MICAL3: variants seen among roughly 807,000 people sequenced by gnomAD.
The protein encoded by MICAL3 is [F-actin]-monooxygenase MICAL3.
A neutral mutation model predicts 207.4 loss-of-function variants in MICAL3; 62 were observed. That is an observed-to-expected ratio of 0.30 (90% CI 0.24 to 0.37). MICAL3 has a LOEUF of 0.37. Among genes scored for constraint, MICAL3 ranks in the 10% least tolerant of loss-of-function variants. MICAL3 has a pLI of 1.00. For missense variants in MICAL3, 2,368 were observed against 2,635.6 expected (o/e 0.90, Z 2.22); for synonymous variants, 1,077 against 1,069.3 (o/e 1.01, Z -0.14).
At chr22:17,846,605 G>T (rs1486490731) in intron 19 of MICAL3, among the ~76,000 whole-genome samples, 2 of 152,208 alleles carry the variant, frequency 1.3e-5, no homozygotes, top group African/African-American at 4.8e-5. Flanking sequence ...GAGAGCAGGA[G>T]TGCAGATGTA....
At chr22:17,851,552 C>T (rs1433273148) in intron 19 of MICAL3, among the ~76,000 whole-genome samples, 2 of 152,166 alleles carry the variant, frequency 1.3e-5, no homozygotes, top group African/African-American at 4.8e-5. Context: ...AGTTCTAATC[C>T]TCTGTCTGAG....
At chr22:17,910,189 T>G (rs1932021891) in intron 1 of MICAL3, among the ~76,000 whole-genome samples, 1 of 152,098 alleles carries the variant, frequency 6.6e-6, no homozygotes, top group African/African-American at 2.4e-5. Flanking sequence ...AACCCATAAC[T>G]CCAAAATCCT....
At chr22:17,890,775 A>G (rs1248960729) in intron 12 of MICAL3, among the ~76,000 whole-genome samples, 2 of 152,218 alleles carry the variant, frequency 1.3e-5, no homozygotes, top group African/African-American at 4.8e-5. Context: ...ATAATGCAAC[A>G]TGCTCTGCTT....
Position 17,871,857 on chromosome 22 carries a change from T to C in MICAL3, c.2408A>G (p.Tyr803Cys), listed in dbSNP as rs770216205. 5.0e-6 allele frequency: 8 copies of C among 1,609,172 alleles called. No individual in the cohort carries two copies. In the African/African-American group the frequency reaches 6.7e-5, roughly 13 times the overall value. ...CTCACCATCCTCGATGTCGTAGGCG[T>C]AGGCCGAGAGGCGCAGGGTGGTGGC... ...YCATTLRLSA[Y>C]AYDIEDGKFY... Residue 803 changes from tyrosine (Y) to cysteine (C), a missense_variant, in exon 17 of 32, where the codon TAC (tyrosine) becomes TGC (cysteine). Physicochemically the swap from Tyr to Cys is radical, Grantham distance 194 (BLOSUM62 -2). This residue lies in a region of MICAL3 where 1,770 missense variants were observed against 1,863.2 expected (regional missense o/e 0.95). Coordinates refer to ENST00000441493, the MANE Select transcript of MICAL3 (RefSeq NM_015241.3).
rs202150495 is a variant in MICAL3 at position 17,986,346 on chromosome 22, CCT to C, written c.-75+37933_-75+37934del. Among the ~76,000 whole-genome samples the C allele has an allele frequency of 5.9e-5, 9 of 152,234 alleles. No individual in the cohort carries two copies. In the East Asian group the frequency reaches 1.4e-3, roughly 23 times the overall value. On this transcript the variant is annotated intron_variant, in intron 1 of 31. Transcript: ENST00000441493. ...GACCAGCCTGCCAACATGGTGAAAC[CCT>C]GTCTCTATTAAAAATACAAAAATTA...
chr22:17,801,770 C>T (rs182067915), intron 29 of MICAL3, among the ~76,000 whole-genome samples: 199 of 151,900 alleles, frequency 1.3e-3, no homozygotes, highest in African/African-American at 2.1e-3. Context: ...GGTGGGTACC[C>T]GTAATCCCAG....
chr22:17,914,384 T>C (rs1279247369), intron 1 of MICAL3, among the ~76,000 whole-genome samples: 1 of 152,138 alleles, frequency 6.6e-6, no homozygotes, highest in East Asian at 1.9e-4. Context: ...TCCACGCCTA[T>C]GGCATCTTCA....
intron 1 of MICAL3, among the ~76,000 whole-genome samples, chr22:18,017,483 G>A (rs1484841935): frequency 6.6e-6 from 1 of 152,008 alleles, no homozygotes; most frequent in Admixed American, 6.6e-5. Flanking sequence ...CCAAAGTGCT[G>A]GGATTACAGG....
chr22:17,821,997 G>C (rs1322678966), intron 24 of MICAL3, 33 bp downstream of exon 24: 1 of 1,609,786 alleles, frequency 6.2e-7, no homozygotes, highest in African/African-American at 1.3e-5. Flanking sequence ...TAGGAATTCT[G>C]AAAGTTGTTT....
chr22:17,941,260 T>C lies in MICAL3; in HGVS notation c.-74-34374A>G, dbSNP rs138012238. Among the ~76,000 whole-genome samples the C allele has an allele frequency of 6.3e-3, 960 of 152,290 alleles. 6 individuals are homozygous for C. The highest frequency in any genetic ancestry group is 9.8e-3 in the Non-Finnish European group (669 of 68,016). ...CCCCTGCCCAAAGAGATTCCATCATTAGAGAAGTGAACTATGTCAACACCG... is the reference window on the plus strand; with the variant it reads ...CCCCTGCCCAAAGAGATTCCATCATCAGAGAAGTGAACTATGTCAACACCG... On this transcript the variant is annotated intron_variant, in intron 1 of 31. Coordinates refer to ENST00000441493, the MANE Select transcript of MICAL3 (RefSeq NM_015241.3).
rs776517243 is a variant in MICAL3 at position 17,831,924 on chromosome 22, C to G, written c.2985G>C (p.Glu995Asp). 6.4e-7 allele frequency: 1 copy of G among 1,566,382 alleles called. No individual in the cohort carries two copies. The highest frequency in any genetic ancestry group is 1.2e-5 in the South Asian group (1 of 85,020). ...KSFGPGNEEE[E>D]EEEEEYEEEE... Reference sequence around the variant, plus strand: ...CCTCTTCATATTCTTCCTCCTCCTCCTCCTCCTCTTCATTCCCAGGCCCAA... The same window carrying G: ...CCTCTTCATATTCTTCCTCCTCCTCGTCCTCCTCTTCATTCCCAGGCCCAA... Residue 995 changes from glutamate (E) to aspartate (D), a missense_variant, in exon 21 of 32, where the codon GAG becomes GAC. Glu to Asp is a conservative substitution (Grantham distance 45). Transcript: ENST00000441493.
At chr22:18,015,136 TA>T (rs1208311829) in intron 1 of MICAL3, among the ~76,000 whole-genome samples, 2 of 152,160 alleles carry the variant, frequency 1.3e-5, no homozygotes, top group Non-Finnish European at 2.9e-5. Flanking sequence ...ATTCACAAAC[TA>T]CCTGCCGTAA....
intron 29 of MICAL3, among the ~76,000 whole-genome samples, chr22:17,798,888 T>C (rs1601921887): frequency 6.6e-6 from 1 of 151,948 alleles, no homozygotes; most frequent in Admixed American, 6.5e-5. Context: ...TTAGCCAGGA[T>C]GGTCTCGATC....
intron 1 of MICAL3, among the ~76,000 whole-genome samples, chr22:17,911,860 G>A (rs1323044195): frequency 1.1e-5 from 1 of 87,718 alleles, no homozygotes; most frequent in Non-Finnish European, 2.0e-5. Flanking sequence ...AAAGTAGGTG[G>A]AGAGGAACAC....
In MICAL3 at chr22:17,883,612, G is replaced by T. The variant is rs73386352; in HGVS notation, c.2241+2266C>A. On this transcript the variant is annotated intron_variant, in intron 16 of 31. Coordinates refer to ENST00000441493, the MANE Select transcript of MICAL3 (RefSeq NM_015241.3). ...GCTGTGACACGGAGGAAACGCAGCT[G>T]GGGGTCCCAATTCCTCTGCTGGGTT... Among the ~76,000 whole-genome samples the T allele has an allele frequency of 9.4e-3, 1,428 of 152,304 alleles. 22 individuals carry two copies. Among genetic ancestry groups the T allele is most frequent in the African/African-American group, 0.033 (1,374 of 41,540 alleles).
intron 1 of MICAL3, among the ~76,000 whole-genome samples, chr22:17,962,504 A>T (rs1934956767): frequency 6.6e-6 from 1 of 152,206 alleles, no homozygotes; most frequent in African/African-American, 2.4e-5. Context: ...GCACCGCCTG[A>T]TTGCAGCCAG....
chr22:17,790,485 GTGC>G lies in MICAL3; in HGVS notation c.*244_*246del. ...TCCCCTGCGTCATGCCATACACGCC[GTGC>G]TGCTCCTCTGAGTGGGAGGTCCAGG... On this transcript the variant is annotated 3_prime_UTR_variant, in exon 32 of 32. Transcript: ENST00000441493. 5.4e-6 allele frequency: 3 copies of G among 557,342 alleles called. No homozygotes were observed. The highest frequency in any genetic ancestry group is 9.6e-6 in the Non-Finnish European group (3 of 312,088). 34.5% of individuals were successfully genotyped at this position (557,342 alleles called of 1,614,324 possible). A position where few individuals can be genotyped will look rare whatever the true frequency, so the allele number is the denominator to read the frequency against.
intron 16 of MICAL3, chr22:17,881,326 CAG>C (rs763497958): frequency 2.5e-6 from 4 of 1,571,302 alleles, no homozygotes; most frequent in Non-Finnish European, 3.5e-6. Context: ...CAGACACAAA[CAG>C]AGAGAACATC....
intron 1 of MICAL3, among the ~76,000 whole-genome samples, chr22:17,945,808 A>C (rs1193433633): frequency 6.6e-6 from 1 of 152,074 alleles, no homozygotes; most frequent in Non-Finnish European, 1.5e-5. Context: ...GAGGGAGAGA[A>C]GAGGCTGTAT....
Sources: allele counts gnomAD v4.1 joint callset (sites outside exome capture counted in the v4.1 genomes callset), GRCh38; gene constraint gnomAD v4.1.1; regional missense constraint gnomAD v4.1.1; transcripts MANE v1.5; gene names NCBI Gene and HGNC (gene_info 2026-07-23, HGNC 2026-07-21).